FGF13: variants seen among roughly 807,000 people sequenced by gnomAD.
FGF13 encodes fibroblast growth factor 13.
In FGF13, 2 loss-of-function variants were observed where a neutral mutation model predicts 19.5. The observed-to-expected ratio is 0.10, with a 90% CI of 0.04 to 0.32. FGF13 has a LOEUF of 0.32. Among genes scored for constraint, FGF13 ranks in the 10% least tolerant of loss-of-function variants. The pLI, the probability that FGF13 is intolerant of heterozygous loss-of-function variation, is 1.00. For missense variants in FGF13, 113 were observed against 192.7 expected (o/e 0.59, Z 2.45); for synonymous variants, 72 against 76.9 (o/e 0.94, Z 0.33).
chrX:138,769,466 C>T (rs1369650216), intron 3 of FGF13, among the ~76,000 whole-genome samples: 2 of 111,997 alleles, frequency 1.8e-5, no homozygotes, highest in East Asian at 5.6e-4. Flanking sequence ...GTAAACTGTA[C>T]TTAGCCCACT....
At chrX:138,991,945 C>A (rs1190872520) in intron 1 of FGF13, among the ~76,000 whole-genome samples, 1 of 111,742 alleles carries the variant, frequency 8.9e-6, no homozygotes, top group African/African-American at 3.3e-5. Context: ...TTCCCCACAG[C>A]CTTGCCAAAA....
intron 1 of FGF13, among the ~76,000 whole-genome samples, chrX:138,939,185 C>A (rs935876303): frequency 4.1e-4 from 46 of 112,052 alleles, no homozygotes; most frequent in African/African-American, 1.5e-3. Flanking sequence ...AGTGCCAGGA[C>A]ATAGTGAAAC....
At chrX:138,702,358 T>C (rs1174096798) in intron 3 of FGF13, among the ~76,000 whole-genome samples, 1 of 111,715 alleles carries the variant, frequency 9.0e-6, no homozygotes, top group Non-Finnish European at 1.9e-5. Context: ...TGGCCCCATG[T>C]TCCATATTGA....
intron 1 of FGF13, among the ~76,000 whole-genome samples, chrX:139,078,482 AT>A (rs35258265): frequency 1.8e-5 from 2 of 112,166 alleles, no homozygotes; most frequent in East Asian, 2.8e-4. Flanking sequence ...AACATTGCTG[AT>A]TTTCCCCCAC....
At chrX:138,769,503 T>C (rs919666046) in intron 3 of FGF13, among the ~76,000 whole-genome samples, 1 of 111,964 alleles carries the variant, frequency 8.9e-6, no homozygotes. Context: ...ACATTCAATA[T>C]GTAATTATTA....
intron 1 of FGF13, among the ~76,000 whole-genome samples, chrX:138,879,616 G>A (rs369518256): frequency 1.8e-5 from 2 of 111,330 alleles, no homozygotes; most frequent in Admixed American, 9.6e-5. Context: ...CCATCAACCC[G>A]TCATCTACAT....
rs145868889 is a variant in FGF13, at chrX:138,637,639, A to G, written c.403-1984T>C. On this transcript the variant is annotated intron_variant, in intron 3 of 4. Coordinates refer to ENST00000315930, the MANE Select transcript of FGF13 (RefSeq NM_004114.5). ...TTTCTAAGGATCCATTATGTAGTTG[A>G]TCGGTGCTAAATATTCATAGGTAAG... 5.1e-3 allele frequency among the ~76,000 whole-genome samples: 568 copies of G among 111,777 alleles called. 6 individuals are homozygous for G. The highest frequency in any genetic ancestry group is 0.018 in the African/African-American group (542 of 30,724).
At chrX:139,098,855 A>T (rs2083488177) in intron 1 of FGF13, among the ~76,000 whole-genome samples, 1 of 111,913 alleles carries the variant, frequency 8.9e-6, no homozygotes, top group Admixed American at 9.5e-5. Context: ...CCATGTAACA[A>T]ATCTGCACAT....
chrX:139,078,753 AAACGCTAAC>A (rs1297818609), intron 1 of FGF13, among the ~76,000 whole-genome samples: 1 of 112,739 alleles, frequency 8.9e-6, no homozygotes, highest in African/African-American at 3.2e-5. Flanking sequence ...CAGAACATCA[AAACGCTAAC>A]AATAAGGAAC....
rs1245296393 is a variant in FGF13, at chrX:138,619,390, T to C, written c.*13460A>G. The C allele has an allele frequency of 8.9e-6, 1 of 111,767 alleles. No homozygotes were observed. The highest frequency in any genetic ancestry group is 1.9e-5 in the Non-Finnish European group (1 of 53,208). The allele number at this position is 111,767 out of a possible 1,213,427, so 9.2% of individuals were successfully genotyped here. ...AAAGCATTAGGAGAAACACTTAATA[T>C]AGATGACGGGTTGATGGGTGCAGCA... is the stretch of plus-strand genomic sequence containing the variant. On this transcript the variant is annotated 3_prime_UTR_variant, in exon 5 of 5. Coordinates refer to ENST00000315930, the MANE Select transcript of FGF13 (RefSeq NM_004114.5).
At chrX:138,656,821 C>CA (rs888160905) in intron 3 of FGF13, among the ~76,000 whole-genome samples, 3 of 111,331 alleles carry the variant, frequency 2.7e-5, no homozygotes, top group African/African-American at 9.8e-5. Flanking sequence ...GACTCCTCCT[C>CA]AAAAAACAGA....
At chrX:138,803,025 C>T (rs1022742254) in intron 3 of FGF13, among the ~76,000 whole-genome samples, 2 of 111,885 alleles carry the variant, frequency 1.8e-5, no homozygotes, top group Admixed American at 9.5e-5. Flanking sequence ...TTTTTCTTCA[C>T]TCTCTCTGAG....
intron 3 of FGF13, among the ~76,000 whole-genome samples, chrX:138,835,160 T>A (rs974704437): frequency 5.4e-5 from 6 of 111,780 alleles, no homozygotes; most frequent in African/African-American, 2.0e-4. Context: ...TCTGTAGATA[T>A]CTATTAGGTC....
At chrX:138,925,286 G>A in intron 1 of FGF13, among the ~76,000 whole-genome samples, 1 of 111,144 alleles carries the variant, frequency 9.0e-6, no homozygotes, top group Non-Finnish European at 1.9e-5. Flanking sequence ...TTACGCCACA[G>A]CCAACATTTG....
At chrX:139,053,060 T>C (rs1465439340) in intron 1 of FGF13, among the ~76,000 whole-genome samples, 1 of 105,839 alleles carries the variant, frequency 9.4e-6, no homozygotes, top group Non-Finnish European at 1.9e-5. Flanking sequence ...TATGCTTTTG[T>C]GTCCTCATAG....
intron 3 of FGF13, among the ~76,000 whole-genome samples, chrX:138,686,616 C>T (rs935467485): frequency 1.8e-5 from 2 of 111,568 alleles, no homozygotes; most frequent in African/African-American, 6.5e-5. Flanking sequence ...TATACTTACG[C>T]CTCTATGCAA....
intron 1 of FGF13, among the ~76,000 whole-genome samples, chrX:138,868,312 G>A (rs2091339827): frequency 9.0e-6 from 1 of 111,287 alleles, no homozygotes; most frequent in South Asian, 3.8e-4. Context: ...TTCAGGCAAA[G>A]TTTCTAGAAA....
At chrX:138,896,981 A>C (rs2091507564) in intron 1 of FGF13, among the ~76,000 whole-genome samples, 1 of 111,779 alleles carries the variant, frequency 8.9e-6, no homozygotes, top group Admixed American at 9.5e-5. Context: ...GACGTGTAGC[A>C]TGTACATGTT....
In FGF13 at chrX:138,739,176, G is replaced by T. The variant is rs904114991; in HGVS notation, c.28+66C>A. On this transcript the variant is annotated intron_variant, in intron 1 of 4. Transcript: ENST00000305414. ...TATAATTTTGTTAATTTCTACAAAG[G>T]CATTAATGTCCAGGATAAACATTCA... 5 of 661,959 alleles carry T rather than the reference G, an allele frequency of 7.6e-6. No homozygotes were observed. In the African/African-American group the frequency reaches 1.1e-4, roughly 14 times the overall value. 54.6% of individuals were successfully genotyped at this position (661,959 alleles called of 1,213,427 possible). A position where few individuals can be genotyped will look rare whatever the true frequency, so the allele number is the denominator to read the frequency against.
Sources: gnomAD v4.1 joint callset for allele counts (sites outside exome capture counted in the v4.1 genomes callset) on GRCh38, gnomAD v4.1.1 for gene constraint, MANE v1.5 for transcripts, NCBI Gene and HGNC (gene_info 2026-07-23, HGNC 2026-07-21) for gene names.